The following NAV3 variants were observed in gnomAD, a reference collection of about 807,000 sequenced individuals.
NAV3 encodes the protein pore membrane and/or filament interacting like protein 1.
A neutral mutation model predicts 244.7 loss-of-function variants in NAV3; 87 were observed. The observed-to-expected ratio is 0.36, with a 90% CI of 0.30 to 0.42. NAV3 has a LOEUF of 0.42. Ranked by LOEUF, NAV3 falls within the 20% of genes least tolerant of loss-of-function variation. The pLI, the probability that NAV3 is intolerant of heterozygous loss-of-function variation, is 1.00. For synonymous variants in NAV3, 1,126 were observed against 1,042.2 expected, an observed-to-expected ratio of 1.08 and a Z score of -1.55; for missense variants, 2,663 against 2,893.3, an observed-to-expected ratio of 0.92 and a Z score of 1.83.
At position 78,102,285 on chromosome 12, in the gene NAV3, G is replaced by A. The variant is rs778703378; in HGVS notation, c.2637-14487G>A. Among the ~76,000 whole-genome samples, 11 of 152,276 alleles carry A rather than the reference G, an allele frequency of 7.2e-5. No homozygotes were observed. In the East Asian group the frequency reaches 9.7e-4, roughly 13 times the overall value. On this transcript the variant is annotated intron_variant, in intron 12 of 39. Transcript: ENST00000397909. The stretch of plus-strand genomic sequence containing the variant: ...AATGGGTTACAGGGCATGCAATTCC[G>A]AAATCCATCTGGGCAGTCAAATTGT...
In NAV3 at chr12:77,873,693, A is replaced by ACATGATTTG. The variant is rs1363948278; in HGVS notation, c.243+41989_243+41990insCATGATTTG. On this transcript the variant is annotated intron_variant, in intron 1 of 39. Coordinates refer to ENST00000397909, the MANE Select transcript of NAV3 (RefSeq NM_001024383.2). ...GATTTGTATGTGTATATATATATAT[A>ACATGATTTG]TATATATATATATATACATGATTTG... 1.9e-3 allele frequency among the ~76,000 whole-genome samples: 194 copies of ACATGATTTG among 100,702 alleles called. 6 individuals are homozygous for ACATGATTTG. Among genetic ancestry groups the ACATGATTTG allele is most frequent in the African/African-American group, 8.1e-3 (189 of 23,240 alleles). The allele number at this position is 100,702 out of a possible 152,430, so 66.1% of individuals were successfully genotyped here. A position where few individuals can be genotyped will look rare whatever the true frequency, so the allele number is the denominator to read the frequency against.
chr12:77,708,526 G>A (rs1461182328), intron 2 of NAV3, among the ~76,000 whole-genome samples: 1 of 152,160 alleles, frequency 6.6e-6, no homozygotes, highest in East Asian at 1.9e-4. Flanking sequence ...GCTTAGGATT[G>A]TCTTGGCAAT....
intron 2 of NAV3, among the ~76,000 whole-genome samples, chr12:77,602,022 A>T (rs1378144143): frequency 6.6e-6 from 1 of 152,050 alleles, no homozygotes; most frequent in African/African-American, 2.4e-5. Context: ...ACAAGGCAGA[A>T]GTTTATTTCT....
chr12:77,702,315 T>C (rs901276190), intron 2 of NAV3, among the ~76,000 whole-genome samples: 10 of 152,024 alleles, frequency 6.6e-5, no homozygotes, highest in African/African-American at 2.2e-4. Flanking sequence ...TATCTTGTTA[T>C]CTTTTTATTC....
At chr12:77,944,658 C>T (rs939858607) in intron 3 of NAV3, among the ~76,000 whole-genome samples, 1 of 151,944 alleles carries the variant, frequency 6.6e-6, no homozygotes, top group Admixed American at 6.6e-5. Flanking sequence ...AAACCATGGA[C>T]AAGAATGGAA....
rs34436463 is a variant in NAV3 at position 77,945,471 on chromosome 12, C to A, written c.414+4338C>A. 6.8e-3 allele frequency among the ~76,000 whole-genome samples: 1,039 copies of A among 152,140 alleles called. 9 individuals carry two copies. The highest frequency in any genetic ancestry group is 0.039 in the South Asian group (189 of 4,814). On this transcript the variant is annotated intron_variant, in intron 3 of 39. Transcript: ENST00000397909. ...ACCACTGAAAGGATTATGGCCGGAA[C>A]AGGGAAGAAACACATAAATAGAGGC... is the stretch of plus-strand genomic sequence containing the variant.
At chr12:77,604,379 A>G (rs543115531) in intron 2 of NAV3, among the ~76,000 whole-genome samples, 38 of 152,242 alleles carry the variant, frequency 2.5e-4, no homozygotes, top group African/African-American at 9.1e-4. Context: ...TGAAAAAGTA[A>G]TAGGAACAAA....
intron 2 of NAV3, among the ~76,000 whole-genome samples, chr12:77,626,409 C>T (rs545508369): frequency 6.6e-6 from 1 of 152,166 alleles, no homozygotes; most frequent in African/African-American, 2.4e-5. Flanking sequence ...AGCTGACAAA[C>T]CTTTAAGTTT....
chr12:77,894,985 C>T (rs977531640), intron 1 of NAV3, among the ~76,000 whole-genome samples: 1 of 152,158 alleles, frequency 6.6e-6, no homozygotes, highest in African/African-American at 2.4e-5. Context: ...CCTCCGGTAT[C>T]CCTATTTTCT....
At chr12:77,930,023 C>A (rs1008037087) in intron 1 of NAV3, among the ~76,000 whole-genome samples, 1 of 152,030 alleles carries the variant, frequency 6.6e-6, no homozygotes, top group Non-Finnish European at 1.5e-5. Flanking sequence ...TAAAGTTCTA[C>A]AGGTAAACAA....
intron 18 of NAV3, chr12:78,130,429 C>A (rs1286791605): frequency 9.1e-6 from 2 of 218,894 alleles, no homozygotes; most frequent in Non-Finnish European, 1.0e-5. Flanking sequence ...TTTCTGCATG[C>A]TCGGGAATCC....
At chr12:78,085,394 A>G (rs1321750234) in intron 12 of NAV3, among the ~76,000 whole-genome samples, 1 of 152,188 alleles carries the variant, frequency 6.6e-6, no homozygotes, top group Admixed American at 6.5e-5. Context: ...AGGTTCTGGC[A>G]TATTCCATGT....
At chr12:77,664,799 T>C (rs564300793) in intron 2 of NAV3, among the ~76,000 whole-genome samples, 3 of 152,306 alleles carry the variant, frequency 2.0e-5, no homozygotes, top group African/African-American at 7.2e-5. Context: ...TTTGTTCAGA[T>C]TAAAAAACAA....
chr12:77,928,757 A>G (rs1888487239), intron 1 of NAV3, among the ~76,000 whole-genome samples: 1 of 152,166 alleles, frequency 6.6e-6, no homozygotes, highest in African/African-American at 2.4e-5. Flanking sequence ...AAAATTTCCT[A>G]TTTCCAATCT....
At chr12:78,180,564 T>C (rs1958455198) in intron 29 of NAV3, among the ~76,000 whole-genome samples, 1 of 152,082 alleles carries the variant, frequency 6.6e-6, no homozygotes, top group African/African-American at 2.4e-5. Flanking sequence ...TTATGAATGA[T>C]TTCATCATAT....
intron 2 of NAV3, among the ~76,000 whole-genome samples, chr12:77,824,166 C>T (rs12831441): frequency 0.27 from 41,010 of 151,300 alleles, 6,767 homozygotes; most frequent in East Asian, 0.44. Context: ...CTCCGCCTCT[C>T]GGGTTCAAGT....
intron 2 of NAV3, among the ~76,000 whole-genome samples, chr12:77,751,525 C>T (rs1044802090): frequency 1.3e-5 from 2 of 152,078 alleles, no homozygotes; most frequent in South Asian, 4.1e-4. Context: ...GGACTTTTCC[C>T]CCTTTTACTC....
chr12:78,107,195 T>C (rs934182162), intron 12 of NAV3, among the ~76,000 whole-genome samples: 2 of 152,148 alleles, frequency 1.3e-5, no homozygotes, highest in East Asian at 1.9e-4. Context: ...TCTGAAATAA[T>C]CTAGTCAGAC....
At chr12:77,589,491 G>A (rs1869802543) in intron 2 of NAV3, among the ~76,000 whole-genome samples, 1 of 152,144 alleles carries the variant, frequency 6.6e-6, no homozygotes, top group African/African-American at 2.4e-5. Context: ...CAACAGGGCT[G>A]GGGAGGCCTC....
Sources: allele counts gnomAD v4.1 joint callset (sites outside exome capture counted in the v4.1 genomes callset), GRCh38; gene constraint gnomAD v4.1.1; transcripts MANE v1.5; gene names NCBI Gene and HGNC (gene_info 2026-07-23, HGNC 2026-07-21).